The following CDC40 variants were observed in gnomAD, a reference collection of about 807,000 sequenced individuals.
The protein encoded by CDC40 is cell division cycle 40.
CDC40 carries 27 observed loss-of-function variants against 80.6 expected under a neutral mutation model. That is an observed-to-expected ratio of 0.33 (90% CI 0.25 to 0.46). The LOEUF (loss-of-function observed/expected upper bound fraction) is 0.46. Among genes scored for constraint, CDC40 ranks in the 20% least tolerant of loss-of-function variants. The probability of loss-of-function intolerance (pLI) is 1.00; values close to 1 mark genes in which losing one functional copy is unlikely to be tolerated. For synonymous variants in CDC40, 221 were observed against 232.6 expected (o/e 0.95, Z 0.45); for missense variants, 486 against 694.1 (o/e 0.70, Z 3.37).
At position 110,230,161 on chromosome 6, in the gene CDC40, ATTTT is replaced by A; in HGVS notation, c.*32_*35del. The stretch of plus-strand genomic sequence containing the variant: ...ATTAATCCTTAAACTAGCTGGGATC[ATTTT>A]TGATCCATTGTCATATTTATATTTA... On this transcript the variant is annotated 3_prime_UTR_variant, in exon 15 of 15. Transcript: ENST00000307731. 2 of 1,373,664 alleles carry A rather than the reference ATTTT, an allele frequency of 1.5e-6. No individual in the cohort carries two copies. Among genetic ancestry groups the A allele is most frequent in the Non-Finnish European group, 2.1e-6 (2 of 972,978 alleles). The allele number at this position is 1,373,664 out of a possible 1,614,324, so 85.1% of individuals were successfully genotyped here.
intron 5 of CDC40, among the ~76,000 whole-genome samples, chr6:110,210,122 T>C (rs1203773370): frequency 6.6e-6 from 1 of 152,134 alleles, no homozygotes; most frequent in African/African-American, 2.4e-5. Context: ...ATAACTAGTA[T>C]AACATGTTAA....
chr6:110,219,762 G>T lies in CDC40; in HGVS notation c.1233G>T (p.Val411=), dbSNP rs1185858090. Residue 411 remains valine, a synonymous_variant, in exon 12 of 15, where the codon GTG becomes GTT. Transcript: ENST00000307731. ...GGGACATTCGAAGTGGAGAAATTGT[G>T]CAGGAATATGATCGGCATTTGGGAG... ...VQWDIRSGEI[V]QEYDRHLGAV... 1 of 1,614,014 alleles carries T rather than the reference G, an allele frequency of 6.2e-7. No homozygotes were observed. Among genetic ancestry groups the T allele is most frequent in the South Asian group, 1.1e-5 (1 of 91,074 alleles).
At chr6:110,215,044 T>G (rs1196830355) in intron 8 of CDC40, among the ~76,000 whole-genome samples, 1 of 152,180 alleles carries the variant, frequency 6.6e-6, no homozygotes, top group African/African-American at 2.4e-5. Context: ...GATGTAAATA[T>G]CTTTAAAACT....
At chr6:110,227,727 G>A (rs1777884224) in intron 13 of CDC40, among the ~76,000 whole-genome samples, 1 of 152,100 alleles carries the variant, frequency 6.6e-6, no homozygotes, top group Non-Finnish European at 1.5e-5. Context: ...TAACAACTAG[G>A]TACAAAGCAT....
chr6:110,224,743 T>TGA (rs1777829295), intron 12 of CDC40, among the ~76,000 whole-genome samples: 1 of 152,220 alleles, frequency 6.6e-6, no homozygotes, highest in African/African-American at 2.4e-5. Flanking sequence ...CTAGAAATAA[T>TGA]GAAGTCCACC....
intron 2 of CDC40, among the ~76,000 whole-genome samples, chr6:110,198,053 C>G (rs1777441315): frequency 6.6e-6 from 1 of 152,132 alleles, no homozygotes; most frequent in African/African-American, 2.4e-5. Flanking sequence ...AACATCCTTG[C>G]CAACACTTGT....
At position 110,221,501 on chromosome 6, in the gene CDC40, C is replaced by T. The variant is rs1777775215; in HGVS notation, c.1340+1632C>T. ...GTAGAGAGTAGTCTTAATATATAGC[C>T]CATGTTAGAGGGTACCTTACAGCTA... On this transcript the variant is annotated intron_variant, in intron 12 of 14. Coordinates refer to ENST00000307731, the MANE Select transcript of CDC40 (RefSeq NM_015891.3). Among the ~76,000 whole-genome samples the T allele has an allele frequency of 3.3e-5, 5 of 152,112 alleles. No individual in the cohort carries two copies. The South Asian group carries it at 1.0e-3, about 31-fold the overall frequency.
At chr6:110,209,304 T>G in intron 5 of CDC40, 81 bp downstream of exon 5, 1 of 1,302,286 alleles carries the variant, frequency 7.7e-7, no homozygotes, top group South Asian at 1.3e-5. Context: ...AAACTTGAGA[T>G]TTCTTTAGAG....
intron 2 of CDC40, among the ~76,000 whole-genome samples, chr6:110,198,360 A>T (rs1281401834): frequency 6.6e-6 from 1 of 151,960 alleles, no homozygotes; most frequent in Non-Finnish European, 1.5e-5. Flanking sequence ...TATTTTTCAT[A>T]GAGATAGGGT....
chr6:110,192,601 G>A (rs915630284), intron 1 of CDC40, among the ~76,000 whole-genome samples: 2 of 152,218 alleles, frequency 1.3e-5, no homozygotes, highest in Admixed American at 6.5e-5. Flanking sequence ...GAGAATTATC[G>A]TATTTGTAAG....
intron 5 of CDC40, among the ~76,000 whole-genome samples, chr6:110,210,486 G>A (rs1025777910): frequency 1.3e-4 from 19 of 149,960 alleles, no homozygotes; most frequent in Non-Finnish European, 2.5e-4. Flanking sequence ...GGAAGAGGGA[G>A]GTTGCAGTGA....
intron 3 of CDC40, among the ~76,000 whole-genome samples, chr6:110,205,982 A>G (rs1777556493): frequency 6.6e-6 from 1 of 152,224 alleles, no homozygotes; most frequent in Non-Finnish European, 1.5e-5. Context: ...TTAATGCTGA[A>G]AAAAACTATA....
chr6:110,197,787 A>G (rs552393070), intron 2 of CDC40, among the ~76,000 whole-genome samples: 3 of 152,322 alleles, frequency 2.0e-5, no homozygotes, highest in Non-Finnish European at 4.4e-5. Context: ...GCAGAATAGT[A>G]GGCCGTTGTG....
Position 110,211,087 on chromosome 6 carries a change from T to G in CDC40, c.727+284T>G, listed in dbSNP as rs190652314. 277 of 165,574 alleles carry G rather than the reference T, an allele frequency of 1.7e-3. 1 individual carries two copies. The highest frequency in any genetic ancestry group is 5.5e-3 in the Admixed American group (86 of 15,642). The allele number at this position is 165,574 out of a possible 1,614,324, so 10.3% of individuals were successfully genotyped here. On this transcript the variant is annotated intron_variant, in intron 6 of 14. Transcript: ENST00000307731. ...AAAAAGAAACTTGAATAGTCCACAA[T>G]CTATTCTTTCGTAAGATAAAGTTGA...
intron 9 of CDC40, 37 bp from the exon 10 acceptor site, chr6:110,217,665 T>A (rs1381061806): frequency 1.1e-6 from 1 of 895,816 alleles, no homozygotes; most frequent in Non-Finnish European, 1.9e-6. Context: ...TATATGATAC[T>A]TCACCTCATT....
chr6:110,219,254 C>CA (rs1221109487), intron 10 of CDC40, 110 bp from the exon 11 acceptor site: 2 of 511,678 alleles, frequency 3.9e-6, no homozygotes, highest in Non-Finnish European at 7.0e-6. Context: ...AGCAAGCAGG[C>CA]AGCCCTTCCT....
At chr6:110,222,454 G>A (rs146969444) in intron 12 of CDC40, among the ~76,000 whole-genome samples, 9,766 of 152,220 alleles carry the variant, frequency 0.064, 419 homozygotes, top group African/African-American at 0.13. Context: ...CTACTTGGGA[G>A]GCTGAGGCAG....
rs762071859 is a variant in CDC40, at chr6:110,213,143, A to T, written c.925A>T (p.Met309Leu). The stretch of plus-strand genomic sequence containing the variant: ...TGGCCATTTATTGCTGTCTTGTTCC[A>T]TGGACTGTAAAATTAAGGTGAGTTT... ...LSGHLLLSCS[M>L]DCKIKLWEVY... The change falls in exon 8 of 15, where the codon ATG becomes TTG. Residue 309 changes from methionine (M) to leucine (L), a missense_variant. By Grantham distance (15) the Met-to-Leu change is conservative. This residue lies in a region of CDC40 where 381 missense variants were observed against 492.1 expected (regional missense o/e 0.77). Coordinates refer to ENST00000307731, the MANE Select transcript of CDC40 (RefSeq NM_015891.3). 3 of 1,606,842 alleles carry T rather than the reference A, an allele frequency of 1.9e-6. No individual in the cohort carries two copies. Among genetic ancestry groups the T allele is most frequent in the Non-Finnish European group, 2.6e-6 (3 of 1,173,334 alleles).
intron 12 of CDC40, among the ~76,000 whole-genome samples, chr6:110,222,010 C>T: frequency 6.6e-6 from 1 of 152,072 alleles, no homozygotes; most frequent in Non-Finnish European, 1.5e-5. Flanking sequence ...AATTCCAGCA[C>T]TTTGAGAGGC....
Sources: allele counts gnomAD v4.1 joint callset (sites outside exome capture counted in the v4.1 genomes callset), GRCh38; gene constraint gnomAD v4.1.1; regional missense constraint gnomAD v4.1.1; transcripts MANE v1.5; gene names NCBI Gene and HGNC (gene_info 2026-07-23, HGNC 2026-07-21).